XRRA1: variants seen among roughly 807,000 people sequenced by gnomAD.
The protein encoded by XRRA1 is X-ray radiation resistance-associated protein 1.
Under a neutral mutation model 80.2 loss-of-function variants are expected in XRRA1, and 69 were observed. The ratio of observed to expected loss-of-function variants is 0.86; its 90% CI spans 0.71 to 1.05. XRRA1 has a LOEUF of 1.05. Among genes scored for constraint, XRRA1 ranks in the 50% least tolerant of loss-of-function variants. The probability of loss-of-function intolerance (pLI) is 0.00; values close to 1 mark genes in which losing one functional copy is unlikely to be tolerated. For synonymous variants in XRRA1, 348 were observed against 389.9 expected (o/e 0.89, Z 1.27); for missense variants, 967 against 976.4 (o/e 0.99, Z 0.13).
chr11:74,857,036 T>C (rs1023243001), intron 12 of XRRA1, among the ~76,000 whole-genome samples: 3 of 151,940 alleles, frequency 2.0e-5, no homozygotes, highest in Non-Finnish European at 4.4e-5. Context: ...AGACTGGGGC[T>C]AGAGCCTCCT....
Position 74,843,087 on chromosome 11 carries a change from A to T in XRRA1, c.*113T>A. The T allele has an allele frequency of 7.2e-7, 1 of 1,379,410 alleles. No homozygotes were observed. Among genetic ancestry groups the T allele is most frequent in the Non-Finnish European group, 9.6e-7 (1 of 1,042,950 alleles). The allele number at this position is 1,379,410 out of a possible 1,614,324, so 85.4% of individuals were successfully genotyped here. ...GTGGCCAGCAAGTGGGGCCCAGCTG[A>T]GCTCTGAGGCCTGTGGCCGGCTGGT... is the stretch of plus-strand genomic sequence containing the variant. On this transcript the variant is annotated 3_prime_UTR_variant, in exon 19 of 19. Coordinates refer to ENST00000684022, the MANE Select transcript of XRRA1 (RefSeq NM_001378157.1).
chr11:74,928,604 C>T (rs780633023), intron 6 of XRRA1, among the ~76,000 whole-genome samples: 3 of 152,122 alleles, frequency 2.0e-5, no homozygotes, highest in Non-Finnish European at 4.4e-5. Flanking sequence ...AGAGAAACTC[C>T]TGATGCTGTT....
chr11:74,880,608 A>C (rs1306601801), intron 10 of XRRA1, among the ~76,000 whole-genome samples: 9 of 150,596 alleles, frequency 6.0e-5, no homozygotes, highest in Non-Finnish European at 1.2e-4. Context: ...TAGTGCTATA[A>C]ATTTCCCTCT....
At chr11:74,943,524 GGTGTGTGTGTGTGTGT>G (rs67590742) in intron 2 of XRRA1, among the ~76,000 whole-genome samples, 4 of 137,760 alleles carry the variant, frequency 2.9e-5, no homozygotes, top group East Asian at 2.6e-4. Flanking sequence ...AGAGTAGGAG[GGTGTGTGTGTGTGTGT>G]GTGTGTGTGT....
chr11:74,874,213 G>C (rs1292381237), intron 10 of XRRA1, among the ~76,000 whole-genome samples: 1 of 130,094 alleles, frequency 7.7e-6, no homozygotes, highest in African/African-American at 2.9e-5. Context: ...TCCAGCCTGG[G>C]TGACAGCAAG....
chr11:74,926,008 A>C (rs1170035291), intron 7 of XRRA1, among the ~76,000 whole-genome samples: 1 of 152,206 alleles, frequency 6.6e-6, no homozygotes, highest in Non-Finnish European at 1.5e-5. Flanking sequence ...ATCTACTGTT[A>C]AATATTTATA....
At chr11:74,849,513 G>A (rs1279458319) in intron 14 of XRRA1, among the ~76,000 whole-genome samples, 2 of 152,192 alleles carry the variant, frequency 1.3e-5, no homozygotes, top group Admixed American at 6.5e-5. Flanking sequence ...CACAGGGCAC[G>A]GACACAGCAC....
chr11:74,844,312 G>A, intron 16 of XRRA1, 29 bp from the exon 17 acceptor site: 3 of 1,561,124 alleles, frequency 1.9e-6, no homozygotes, highest in Non-Finnish European at 2.6e-6. Flanking sequence ...ACTGAGTCAA[G>A]GCACTTCCCC....
At position 74,842,242 on chromosome 11, in the gene XRRA1, A is replaced by AC. The variant is rs1281704295; in HGVS notation, c.*957dup. On this transcript the variant is annotated 3_prime_UTR_variant, in exon 19 of 19. Coordinates refer to ENST00000684022, the MANE Select transcript of XRRA1 (RefSeq NM_001378157.1). Reference sequence around the variant, plus strand: ...ATTTTGACAAAGACAGAGGACTTGGACCAGGGCATGCCCTGTTGGGGATGT... The same window carrying AC: ...ATTTTGACAAAGACAGAGGACTTGGACCCAGGGCATGCCCTGTTGGGGATGT... 1 of 152,246 alleles carries AC rather than the reference A, an allele frequency of 6.6e-6. No homozygotes were observed. The highest frequency in any genetic ancestry group is 2.4e-5 in the African/African-American group (1 of 41,462). The allele number at this position is 152,246 out of a possible 1,614,324, so 9.4% of individuals were successfully genotyped here.
rs886609812 is a variant in XRRA1, at chr11:74,889,470, C to T, written c.1003+16769G>A. 1.5e-4 allele frequency among the ~76,000 whole-genome samples: 23 copies of T among 152,282 alleles called. No homozygotes were observed. The South Asian group carries it at 1.7e-3, about 11-fold the overall frequency. The stretch of plus-strand genomic sequence containing the variant: ...AAACATGCCAAATTGTAAAGACTAT[C>T]GAGGCTAGGAAGAAACTGCATCAAC... On this transcript the variant is annotated intron_variant, in intron 10 of 18. Transcript: ENST00000684022.
rs1421343532 is a variant in XRRA1, at chr11:74,943,162, A to G, written c.-5+1856T>C. ...TGGGGTGGCTCCGAGACTCTTCAAT[A>G]CCAATTTACAGTGAGTCAGAAATTC... On this transcript the variant is annotated intron_variant, in intron 2 of 18. Coordinates refer to ENST00000684022, the MANE Select transcript of XRRA1 (RefSeq NM_001378157.1). Among the ~76,000 whole-genome samples the G allele has an allele frequency of 2.0e-5, 3 of 152,206 alleles. No individual in the cohort carries two copies. The East Asian group carries it at 5.8e-4, about 29-fold the overall frequency.
rs984410293 is a variant in XRRA1 at position 74,843,151 on chromosome 11, G to A, written c.*49C>T. The A allele has an allele frequency of 2.6e-6, 4 of 1,513,790 alleles. No homozygotes were observed. The highest frequency in any genetic ancestry group is 2.5e-5 in the East Asian group (1 of 40,504). 93.8% of individuals were successfully genotyped at this position (1,513,790 alleles called of 1,614,324 possible). On this transcript the variant is annotated 3_prime_UTR_variant, in exon 19 of 19. Transcript: ENST00000684022. The stretch of plus-strand genomic sequence containing the variant: ...CGGTCCAGGGCACAGAGCCCTCGGG[G>A]AGAGCTGGGGCACAGGCCGGGTGGT...
At chr11:74,894,462 A>C (rs2051683189) in intron 10 of XRRA1, among the ~76,000 whole-genome samples, 1 of 152,218 alleles carries the variant, frequency 6.6e-6, no homozygotes, top group African/African-American at 2.4e-5. Flanking sequence ...TTTATAAAGA[A>C]AATTGACTCA....
intron 3 of XRRA1, among the ~76,000 whole-genome samples, chr11:74,940,458 A>C (rs1308176568): frequency 6.6e-6 from 1 of 152,218 alleles, no homozygotes; most frequent in Non-Finnish European, 1.5e-5. Context: ...TTCAGGGCAA[A>C]TAAAAAAGCT....
At chr11:74,850,993 T>A in intron 14 of XRRA1, 95 bp downstream of exon 14, 1 of 838,684 alleles carries the variant, frequency 1.2e-6, no homozygotes, top group South Asian at 1.9e-5. Flanking sequence ...TTCCAGGCAC[T>A]GTGGAGTGAG....
At chr11:74,848,885 C>T (rs537968557) in intron 14 of XRRA1, among the ~76,000 whole-genome samples, 2 of 152,296 alleles carry the variant, frequency 1.3e-5, no homozygotes, top group South Asian at 4.1e-4. Flanking sequence ...TATGGCTTTC[C>T]CCAGGGACTC....
chr11:74,948,020 T>C lies in XRRA1; in HGVS notation c.-73+908A>G, dbSNP rs117625690. Among the ~76,000 whole-genome samples the C allele has an allele frequency of 6.1e-3, 922 of 152,356 alleles. 5 individuals carry two copies. Among genetic ancestry groups the C allele is most frequent in the Non-Finnish European group, 0.011 (729 of 68,028 alleles). ...GAGCCCCCACGCCCGGCCGAGATAA[T>C]TATTTTCACATGAATTTTGGCTTCC... is the stretch of plus-strand genomic sequence containing the variant. On this transcript the variant is annotated intron_variant, in intron 1 of 18. Transcript: ENST00000684022.
chr11:74,881,188 G>A (rs2047473795), intron 10 of XRRA1, among the ~76,000 whole-genome samples: 1 of 150,804 alleles, frequency 6.6e-6, no homozygotes, highest in African/African-American at 2.4e-5. Context: ...AGCTCTTCTT[G>A]TTGAATTGAT....
intron 10 of XRRA1, among the ~76,000 whole-genome samples, chr11:74,879,333 G>C (rs1401622201): frequency 6.6e-6 from 1 of 152,246 alleles, no homozygotes; most frequent in East Asian, 1.9e-4. Context: ...AGACTTTGCT[G>C]AAGTTGCTTA....
Sources: allele counts gnomAD v4.1 joint callset (sites outside exome capture counted in the v4.1 genomes callset), GRCh38; gene constraint gnomAD v4.1.1; transcripts MANE v1.5; gene names NCBI Gene and HGNC (gene_info 2026-07-23, HGNC 2026-07-21).